The following NEK7 variants were observed in gnomAD, a reference collection of about 807,000 sequenced individuals.
The protein encoded by NEK7 is serine/threonine-protein kinase Nek7.
In NEK7, 18 loss-of-function variants were observed where a neutral mutation model predicts 44.6. That is an observed-to-expected ratio of 0.40 (90% CI 0.28 to 0.60). The LOEUF (loss-of-function observed/expected upper bound fraction) is 0.60. Among genes scored for constraint, NEK7 ranks in the 20% least tolerant of loss-of-function variants. NEK7 has a pLI of 0.38. For missense variants in NEK7, 256 were observed against 366.5 expected (o/e 0.70, Z 2.46); for synonymous variants, 130 against 121.1 (o/e 1.07, Z -0.48).
chr1:198,262,531 C>T, intron 3 of NEK7, 44 bp from the exon 4 acceptor site: 1 of 1,186,846 alleles, frequency 8.4e-7, no homozygotes, highest in Admixed American at 1.9e-5. Flanking sequence ...TAGCTTGAAC[C>T]ATAGGTTATT....
intron 3 of NEK7, among the ~76,000 whole-genome samples, chr1:198,260,360 TACTA>T (rs1469216861): frequency 1.3e-5 from 2 of 152,118 alleles, no homozygotes; most frequent in Non-Finnish European, 2.9e-5. Flanking sequence ...AAACATATCT[TACTA>T]GATAGTTTAT....
chr1:198,197,303 G>C (rs1665268531), intron 1 of NEK7, among the ~76,000 whole-genome samples: 1 of 152,128 alleles, frequency 6.6e-6, no homozygotes, highest in African/African-American at 2.4e-5. Flanking sequence ...CTACTATGTA[G>C]ATACAGTGAC....
intron 5 of NEK7, among the ~76,000 whole-genome samples, chr1:198,265,859 C>T (rs565248962): frequency 4.6e-5 from 7 of 152,098 alleles, no homozygotes; most frequent in African/African-American, 1.7e-4. Flanking sequence ...GATATGTGTA[C>T]ATACATTAGT....
At chr1:198,317,173 C>A (rs1655394680) in intron 9 of NEK7, among the ~76,000 whole-genome samples, 1 of 152,012 alleles carries the variant, frequency 6.6e-6, no homozygotes, top group African/African-American at 2.4e-5. Context: ...TGGTGATAGC[C>A]CTTTTGATTC....
intron 5 of NEK7, among the ~76,000 whole-genome samples, chr1:198,269,624 C>A (rs1024764177): frequency 2.0e-5 from 3 of 151,982 alleles, no homozygotes; most frequent in African/African-American, 7.2e-5. Flanking sequence ...TTCATTCTCT[C>A]AAGTCTTCAG....
intron 1 of NEK7, among the ~76,000 whole-genome samples, chr1:198,194,498 T>TCTATGTGTCC (rs1558050420): frequency 2.0e-5 from 3 of 151,202 alleles, no homozygotes; most frequent in African/African-American, 7.3e-5. Flanking sequence ...TCTATGTGTC[T>TCTATGTGTCC]GTTGTTTCCC....
At chr1:198,245,073 A>C (rs1348167098) in intron 2 of NEK7, 1 of 162,134 alleles carries the variant, frequency 6.2e-6, no homozygotes, top group Admixed American at 6.5e-5. Flanking sequence ...CAATAAAATA[A>C]ACTACAGAAA....
chr1:198,164,455 C>A (rs895491408), intron 1 of NEK7, among the ~76,000 whole-genome samples: 3 of 152,104 alleles, frequency 2.0e-5, no homozygotes, highest in Non-Finnish European at 4.4e-5. Flanking sequence ...AGGCATTATT[C>A]AGAGATATTG....
intron 9 of NEK7, among the ~76,000 whole-genome samples, chr1:198,315,251 C>T (rs1188059908): frequency 6.6e-6 from 1 of 152,188 alleles, no homozygotes; most frequent in Non-Finnish European, 1.5e-5. Flanking sequence ...CTCTCTGACC[C>T]CTTGCGCTTC....
Position 198,277,994 on chromosome 1 carries a change from A to G in NEK7, c.406A>G (p.Arg136Gly). ...GAAGCAAAAGAGGCTAATTCCTGAA[A>G]GAACTGTTTGGAAGTATTTTGTTCA... is the stretch of plus-strand genomic sequence containing the variant. Reference protein sequence around the residue: ...FKKQKRLIPERTVWKYFVQLC... With the variant: ...FKKQKRLIPEGTVWKYFVQLC... Residue 136 changes from arginine (R) to glycine (G), a missense_variant, in exon 6 of 10, where the codon AGA (arginine) becomes GGA (glycine). By Grantham distance (125) the Arg-to-Gly change is moderately radical. Transcript: ENST00000367385. 2 of 1,607,150 alleles carry G rather than the reference A, an allele frequency of 1.2e-6. No individual in the cohort carries two copies. The highest frequency in any genetic ancestry group is 1.7e-6 in the Non-Finnish European group (2 of 1,175,004).
chr1:198,256,533 C>T (rs764429271), intron 3 of NEK7: 2 of 1,494,564 alleles, frequency 1.3e-6, no homozygotes, highest in Admixed American at 2.4e-5. Context: ...TTCTCTGTAC[C>T]AACTTTGCTT....
chr1:198,259,132 A>T (rs1359248837), intron 3 of NEK7, among the ~76,000 whole-genome samples: 4 of 152,192 alleles, frequency 2.6e-5, no homozygotes, highest in African/African-American at 9.7e-5. Context: ...ATTATTGAAA[A>T]TTCAGTTAAA....
chr1:198,212,483 T>C (rs916382476), intron 1 of NEK7, among the ~76,000 whole-genome samples: 3 of 152,206 alleles, frequency 2.0e-5, no homozygotes, highest in Non-Finnish European at 4.4e-5. Context: ...GGGGATTCTT[T>C]TGTGCAGTAG....
rs1655481760 is a variant in NEK7 at position 198,319,689 on chromosome 1, C to T, written c.*167C>T. The T allele has an allele frequency of 1.5e-6, 1 of 664,558 alleles. No individual in the cohort carries two copies. The highest frequency in any genetic ancestry group is 2.2e-6 in the Non-Finnish European group (1 of 454,922). 41.2% of individuals were successfully genotyped at this position (664,558 alleles called of 1,614,324 possible). Reference sequence around the variant, plus strand: ...CATTTTGTACCAGTCACCTAAATCACCTCCTTGCAACCCCCAAATGACTTT... The same window carrying T: ...CATTTTGTACCAGTCACCTAAATCATCTCCTTGCAACCCCCAAATGACTTT... On this transcript the variant is annotated 3_prime_UTR_variant, in exon 10 of 10. Transcript: ENST00000367385.
chr1:198,285,117 T>G (rs1475715463), intron 7 of NEK7, among the ~76,000 whole-genome samples: 2 of 152,122 alleles, frequency 1.3e-5, no homozygotes, highest in Non-Finnish European at 2.9e-5. Context: ...TAGGACTTAG[T>G]ATCTTCTGAC....
intron 7 of NEK7, among the ~76,000 whole-genome samples, chr1:198,280,896 A>G (rs6669180): frequency 0.14 from 20,833 of 151,346 alleles, 2,119 homozygotes; most frequent in East Asian, 0.58. Context: ...TTTTCTTAAC[A>G]GATGAATCAT....
chr1:198,317,886 T>TTTTA (rs1558109599), intron 9 of NEK7, among the ~76,000 whole-genome samples: 4 of 142,544 alleles, frequency 2.8e-5, no homozygotes, highest in Non-Finnish European at 6.1e-5. Context: ...TATTTTTTTT[T>TTTTA]TTTTTTTTTT....
chr1:198,296,121 C>G (rs1654709775), intron 8 of NEK7, among the ~76,000 whole-genome samples: 1 of 152,106 alleles, frequency 6.6e-6, no homozygotes, highest in Non-Finnish European at 1.5e-5. Flanking sequence ...TGTCCTGTCC[C>G]CACTGACGCT....
chr1:198,303,783 A>G (rs1329614853), intron 9 of NEK7, among the ~76,000 whole-genome samples: 1 of 152,156 alleles, frequency 6.6e-6, no homozygotes, highest in African/African-American at 2.4e-5. Context: ...GTAATTCTGT[A>G]CAAATATTTC....
Sources: allele counts gnomAD v4.1 joint callset (sites outside exome capture counted in the v4.1 genomes callset), GRCh38; gene constraint gnomAD v4.1.1; transcripts MANE v1.5; gene names NCBI Gene and HGNC (gene_info 2026-07-23, HGNC 2026-07-21).